The following KCNK2 variants were observed in gnomAD, a reference collection of about 807,000 sequenced individuals.
KCNK2 encodes potassium two pore domain channel subfamily K member 2, also known as potassium channel subfamily K member 2.
A neutral mutation model predicts 40.5 loss-of-function variants in KCNK2; 21 were observed. That is an observed-to-expected ratio of 0.52 (90% CI 0.37 to 0.75). KCNK2 has a LOEUF of 0.75. KCNK2 is among the 30% of genes least tolerant of loss of function. KCNK2 has a pLI of 0.00. For missense variants in KCNK2, 399 were observed against 531.6 expected, an observed-to-expected ratio of 0.75 and a Z score of 2.45; for synonymous variants, 191 against 202.2, an observed-to-expected ratio of 0.94 and a Z score of 0.47.
At chr1:215,093,335 T>A (rs1230161511) in intron 2 of KCNK2, among the ~76,000 whole-genome samples, 1 of 142,794 alleles carries the variant, frequency 7.0e-6, no homozygotes, top group Non-Finnish European at 1.5e-5. Context: ...ATACATATAT[T>A]AAATATACAT....
chr1:215,046,779 G>C (rs72731089), intron 1 of KCNK2, among the ~76,000 whole-genome samples: 6,659 of 152,122 alleles, frequency 0.044, 223 homozygotes, highest in Middle Eastern at 0.096. Context: ...CTTTACCATG[G>C]GATATGAGTT....
At chr1:215,222,798 C>T (rs1280055911) in intron 6 of KCNK2, among the ~76,000 whole-genome samples, 1 of 150,954 alleles carries the variant, frequency 6.6e-6, no homozygotes, top group East Asian at 1.9e-4. Context: ...TTTACCAGCA[C>T]AGTTCAACAA....
At chr1:215,064,454 A>T (rs1163891114) in intron 1 of KCNK2, among the ~76,000 whole-genome samples, 1 of 152,100 alleles carries the variant, frequency 6.6e-6, no homozygotes, top group Non-Finnish European at 1.5e-5. Context: ...CCTAGACAGG[A>T]TGTTTGACTG....
rs1173641501 is a variant in KCNK2 at position 215,172,047 on chromosome 1, T to C, written c.687T>C (p.Phe229=). 2.5e-6 allele frequency: 4 copies of C among 1,613,436 alleles called. No individual in the cohort carries two copies. In the South Asian group the frequency reaches 3.3e-5, roughly 13 times the overall value. The change falls in exon 5 of 7, where the codon TTT becomes TTC. Residue 229 remains phenylalanine (F), a synonymous_variant. Transcript: ENST00000444842. ...TTCGCATCATCTCAACAATCATATT[T>C]ATACTATTTGGCTGTGTACTCTTTG... ...TKIRIISTII[F]ILFGCVLFVA... is the part of the protein sequence containing the mutation.
chr1:215,145,061 T>C (rs1404843399), intron 3 of KCNK2, among the ~76,000 whole-genome samples: 1 of 152,170 alleles, frequency 6.6e-6, no homozygotes, highest in Non-Finnish European at 1.5e-5. Flanking sequence ...CAACCACTCC[T>C]TACTTGAAAT....
At chr1:215,066,718 A>G (rs1268174402) in intron 1 of KCNK2, among the ~76,000 whole-genome samples, 1 of 151,428 alleles carries the variant, frequency 6.6e-6, no homozygotes, top group South Asian at 2.1e-4. Context: ...TGTGAAAAGG[A>G]CTCTGCCCCT....
At chr1:215,044,824 T>TGC (rs1472417029) in intron 1 of KCNK2, among the ~76,000 whole-genome samples, 151 of 52,488 alleles carry the variant, frequency 2.9e-3, no homozygotes, top group East Asian at 0.018. Context: ...TGTGTGTGTG[T>TGC]GTGCGCGCGC....
At chr1:215,010,372 G>A (rs552101033) in intron 1 of KCNK2, among the ~76,000 whole-genome samples, 20 of 152,276 alleles carry the variant, frequency 1.3e-4, no homozygotes, top group Middle Eastern at 6.8e-3. Context: ...CTGATTGGTG[G>A]CATTTCATGA....
intron 2 of KCNK2, among the ~76,000 whole-genome samples, chr1:215,093,015 AAT>A (rs1553261472): frequency 6.6e-6 from 1 of 152,168 alleles, no homozygotes; most frequent in Non-Finnish European, 1.5e-5. Context: ...GGAAGCTGCA[AAT>A]ATGAGTTTGG....
chr1:215,152,320 A>G (rs1213921279), intron 3 of KCNK2, among the ~76,000 whole-genome samples: 1 of 152,130 alleles, frequency 6.6e-6, no homozygotes, highest in Non-Finnish European at 1.5e-5. Context: ...ACCACAACTG[A>G]TAGTAGAGAA....
intron 2 of KCNK2, 33 bp downstream of exon 2, chr1:215,086,711 C>A: frequency 6.3e-6 from 10 of 1,578,076 alleles, no homozygotes; most frequent in South Asian, 1.1e-5. Flanking sequence ...TACTCTGTTC[C>A]CCCAAATGGG....
At position 215,083,194 on chromosome 1, in the gene KCNK2, T is replaced by TCCCCCCCCCCCCCCCCCCCCCCCCC; in HGVS notation, c.-183_-182insCCCCCCCCCCCCCCCCCCCCCCCCC. On this transcript the variant is annotated 5_prime_UTR_variant, in exon 1 of 7. Transcript: ENST00000444842. ...CCCGCGATTTCGTTTCTTCTCACGC[T>TCCCCCCCCCCCCCCCCCCCCCCCCC]CCCCCCCCCGCCCCCTCCCGCGTCC... The TCCCCCCCCCCCCCCCCCCCCCCCCC allele has an allele frequency of 1.4e-5, 7 of 501,814 alleles. 1 individual carries two copies. The highest frequency in any genetic ancestry group is 4.1e-5 in the South Asian group (2 of 49,324). 31.1% of individuals were successfully genotyped at this position (501,814 alleles called of 1,614,324 possible). A position where few individuals can be genotyped will look rare whatever the true frequency, so the allele number is the denominator to read the frequency against.
At chr1:215,179,101 A>T (rs913022932) in intron 5 of KCNK2, among the ~76,000 whole-genome samples, 1 of 151,418 alleles carries the variant, frequency 6.6e-6, no homozygotes, top group African/African-American at 2.4e-5. Flanking sequence ...TGTTTATGGG[A>T]ATTTATTTAT....
At chr1:215,127,385 C>T (rs1345204406) in intron 3 of KCNK2, among the ~76,000 whole-genome samples, 3 of 152,178 alleles carry the variant, frequency 2.0e-5, no homozygotes, top group East Asian at 3.8e-4. Context: ...ATCTAAACAT[C>T]CTTTCCAAAG....
At chr1:215,090,967 C>A (rs1213553221) in intron 2 of KCNK2, among the ~76,000 whole-genome samples, 1 of 152,048 alleles carries the variant, frequency 6.6e-6, no homozygotes, top group African/African-American at 2.4e-5. Context: ...GGGTGTTGAG[C>A]CATTTAAGAT....
chr1:215,059,157 A>C (rs1206060544), intron 1 of KCNK2, among the ~76,000 whole-genome samples: 1 of 151,778 alleles, frequency 6.6e-6, no homozygotes, highest in African/African-American at 2.4e-5. Flanking sequence ...ATATATATAT[A>C]TACACACACA....
intron 5 of KCNK2, among the ~76,000 whole-genome samples, chr1:215,193,240 T>C (rs1664738813): frequency 6.6e-6 from 1 of 152,194 alleles, no homozygotes; most frequent in Admixed American, 6.6e-5. Flanking sequence ...ATCTTTGATA[T>C]ACTTGCAATT....
In KCNK2 at chr1:215,086,601, A is replaced by G. The variant is rs1232289839; in HGVS notation, c.280A>G (p.Thr94Ala). 1 of 1,614,042 alleles carries G rather than the reference A, an allele frequency of 6.2e-7. No homozygotes were observed. The highest frequency in any genetic ancestry group is 2.2e-5 in the East Asian group (1 of 44,892). The change falls in exon 2 of 7, where the codon ACC becomes GCC. Residue 94 changes from threonine to alanine, a missense_variant. By Grantham distance (58) the Thr-to-Ala change is moderately conservative. Coordinates refer to ENST00000444842, the MANE Select transcript of KCNK2 (RefSeq NM_001017425.3). ...GCCTCATGAGATTTCACAGAGGACC[A>G]CCATTGTGATCCAGAAGCAAACATT... ...EQPHEISQRT[T>A]IVIQKQTFIS...
intron 1 of KCNK2, among the ~76,000 whole-genome samples, chr1:215,072,989 C>A (rs1052416268): frequency 2.0e-5 from 3 of 152,054 alleles, no homozygotes; most frequent in Non-Finnish European, 2.9e-5. Context: ...AAAATGAGGT[C>A]ATTAGGATAG....
Sources: allele counts gnomAD v4.1 joint callset (sites outside exome capture counted in the v4.1 genomes callset), GRCh38; gene constraint gnomAD v4.1.1; transcripts MANE v1.5; gene names NCBI Gene and HGNC (gene_info 2026-07-23, HGNC 2026-07-21).